Variants in DOCK1 observed in about 807,000 individuals in gnomAD.
DOCK1 encodes the protein dedicator of cytokinesis protein 1.
Under a neutral mutation model 262.7 loss-of-function variants are expected in DOCK1, and 138 were observed. The ratio of observed to expected loss-of-function variants is 0.53; its 90% confidence interval spans 0.46 to 0.61. DOCK1 has a LOEUF of 0.61. Ranked by LOEUF, DOCK1 falls within the 20% of genes least tolerant of loss-of-function variation. The probability of loss-of-function intolerance (pLI) is 0.00; values close to 1 mark genes in which losing one functional copy is unlikely to be tolerated. For synonymous variants in DOCK1, 866 were observed against 867.4 expected, an observed-to-expected ratio of 1.00 and a Z score of 0.03; for missense variants, 1,908 against 2,370.7, an observed-to-expected ratio of 0.80 and a Z score of 4.05.
chr10:127,285,939 C>A (rs547254377), intron 29 of DOCK1, among the ~76,000 whole-genome samples: 3 of 152,182 alleles, frequency 2.0e-5, no homozygotes, highest in African/African-American at 7.2e-5. Flanking sequence ...CTATCACGAG[C>A]CTGAGGCTGG....
At chr10:127,362,694 T>C (rs568427437) in intron 33 of DOCK1, among the ~76,000 whole-genome samples, 1 of 152,268 alleles carries the variant, frequency 6.6e-6, no homozygotes, top group South Asian at 2.1e-4. Context: ...TATAAAGTGC[T>C]CAAAACATAC....
intron 40 of DOCK1, 110 bp from the exon 41 acceptor site, chr10:127,408,927 A>G: frequency 7.3e-7 from 1 of 1,366,882 alleles, no homozygotes; most frequent in Non-Finnish European, 9.7e-7. Context: ...CTTAAATTTA[A>G]TGACATTTTG....
At chr10:127,205,581 G>A (rs906257502) in intron 27 of DOCK1, among the ~76,000 whole-genome samples, 2 of 152,230 alleles carry the variant, frequency 1.3e-5, no homozygotes, top group South Asian at 2.1e-4. Context: ...GTGGCTTTAC[G>A]AAGAAATGTT....
At chr10:126,948,888 G>T (rs2035892602) in intron 1 of DOCK1, among the ~76,000 whole-genome samples, 1 of 152,120 alleles carries the variant, frequency 6.6e-6, no homozygotes, top group East Asian at 1.9e-4. Flanking sequence ...GCCCAGGGTA[G>T]TACTGGGGTT....
intron 29 of DOCK1, among the ~76,000 whole-genome samples, chr10:127,280,869 A>G (rs973616205): frequency 4.6e-5 from 7 of 152,134 alleles, no homozygotes; most frequent in South Asian, 2.1e-4. Context: ...GAATATTTTC[A>G]ACTTTACCAT....
intron 3 of DOCK1, among the ~76,000 whole-genome samples, chr10:126,980,573 A>G (rs1182054206): frequency 6.6e-6 from 1 of 151,968 alleles, no homozygotes; most frequent in Non-Finnish European, 1.5e-5. Context: ...TCTTCTTTAT[A>G]TGGAATTTGG....
intron 1 of DOCK1, among the ~76,000 whole-genome samples, chr10:126,961,161 C>A (rs954905594): frequency 6.6e-6 from 1 of 152,096 alleles, no homozygotes; most frequent in African/African-American, 2.4e-5. Flanking sequence ...CTCCTTGATT[C>A]TGTTACCCAA....
intron 23 of DOCK1, among the ~76,000 whole-genome samples, chr10:127,062,241 TTTTTAA>T (rs1196878537): frequency 6.6e-6 from 1 of 152,122 alleles, no homozygotes; most frequent in South Asian, 2.1e-4. Flanking sequence ...GCCCGGCCTT[TTTTTAA>T]TTTTAATTTT....
At chr10:127,416,652 G>A (rs753199292) in intron 44 of DOCK1, among the ~76,000 whole-genome samples, 3 of 152,214 alleles carry the variant, frequency 2.0e-5, no homozygotes, top group East Asian at 1.9e-4. Flanking sequence ...ACCAACCCCC[G>A]TGGGATATCT....
chr10:127,420,896 AGTTTATTTGTTTGTTT>A (rs1327077085), intron 46 of DOCK1, among the ~76,000 whole-genome samples: 2 of 117,228 alleles, frequency 1.7e-5, no homozygotes, highest in Non-Finnish European at 1.9e-5. Flanking sequence ...CACCGTGAGC[AGTTTATTTGTTTGTTT>A]GTTTGTTTGT....
chr10:127,138,636 C>T (rs2050920682), intron 27 of DOCK1, among the ~76,000 whole-genome samples: 2 of 152,166 alleles, frequency 1.3e-5, no homozygotes, highest in Non-Finnish European at 1.5e-5. Context: ...TCCGCCATTA[C>T]TAACCACAGT....
At chr10:127,104,419 A>G (rs751175160) in intron 23 of DOCK1, among the ~76,000 whole-genome samples, 1 of 152,206 alleles carries the variant, frequency 6.6e-6, no homozygotes, top group Non-Finnish European at 1.5e-5. Flanking sequence ...TCGGTGATCT[A>G]TTTAAAGTTG....
intron 22 of DOCK1, among the ~76,000 whole-genome samples, chr10:127,060,789 T>C (rs2045480006): frequency 6.6e-6 from 1 of 152,244 alleles, no homozygotes; most frequent in African/African-American, 2.4e-5. Flanking sequence ...TTACCACTGA[T>C]GTTGAAATGA....
chr10:127,065,690 C>T (rs1367314545), intron 23 of DOCK1, among the ~76,000 whole-genome samples: 1 of 152,148 alleles, frequency 6.6e-6, no homozygotes, highest in Non-Finnish European at 1.5e-5. Flanking sequence ...TTCCGCAGCT[C>T]CTCCAGCTCC....
chr10:127,114,693 A>G (rs2049065873), intron 25 of DOCK1, among the ~76,000 whole-genome samples: 1 of 152,074 alleles, frequency 6.6e-6, no homozygotes, highest in Non-Finnish European at 1.5e-5. Flanking sequence ...AGAAGAGAGT[A>G]ATGCATGCCA....
chr10:127,270,427 A>G (rs12761404), intron 29 of DOCK1, among the ~76,000 whole-genome samples: 63,885 of 151,790 alleles, frequency 0.42, 13,542 homozygotes, highest in Admixed American at 0.46. Flanking sequence ...ATACAATTTC[A>G]CATTCTTCCC....
At chr10:127,280,033 T>TATATATATATAA (rs1297666883) in intron 29 of DOCK1, among the ~76,000 whole-genome samples, 1 of 107,296 alleles carries the variant, frequency 9.3e-6, no homozygotes, top group East Asian at 2.3e-4. Context: ...TATATATATA[T>TATATATATATAA]AATTTTTTTT....
At chr10:127,290,716 C>A (rs956685443) in intron 29 of DOCK1, among the ~76,000 whole-genome samples, 2 of 152,210 alleles carry the variant, frequency 1.3e-5, no homozygotes, top group African/African-American at 2.4e-5. Flanking sequence ...TTCCACTCAG[C>A]ATAATTCCCT....
chr10:127,275,653 G>C (rs1215417973), intron 29 of DOCK1, among the ~76,000 whole-genome samples: 3 of 152,168 alleles, frequency 2.0e-5, no homozygotes, highest in African/African-American at 7.2e-5. Flanking sequence ...ATGAGTTCTA[G>C]ATGAAAGGGA....
Sources: allele counts gnomAD v4.1 joint callset (sites outside exome capture counted in the v4.1 genomes callset), GRCh38; gene constraint gnomAD v4.1.1; transcripts MANE v1.5; gene names NCBI Gene and HGNC (gene_info 2026-07-23, HGNC 2026-07-21).